MRPS10: variants seen among roughly 807,000 people sequenced by gnomAD.
MRPS10 encodes small ribosomal subunit protein uS10m.
MRPS10 carries 23 observed loss-of-function variants against 27.5 expected under a neutral mutation model. That is an observed-to-expected ratio of 0.84 (90% CI 0.60 to 1.18). The LOEUF (loss-of-function observed/expected upper bound fraction) is 1.18, where lower values mean the gene tolerates loss of function less well. Among genes scored for constraint, MRPS10 ranks in the 50% most tolerant of loss-of-function variants. MRPS10 has a pLI of 0.00. For missense variants in MRPS10, 237 were observed against 240.1 expected, an observed-to-expected ratio of 0.99 and a Z score of 0.09; for synonymous variants, 88 against 84.2, an observed-to-expected ratio of 1.04 and a Z score of -0.25.
chr6:42,207,088 A>G lies in MRPS10; in HGVS notation c.*1201T>C, dbSNP rs2113856108. The G allele has an allele frequency of 6.6e-6, 1 of 152,194 alleles. No individual in the cohort carries two copies. The highest frequency in any genetic ancestry group is 1.9e-4 in the East Asian group (1 of 5,206). The allele number at this position is 152,194 out of a possible 1,614,324, so 9.4% of individuals were successfully genotyped here. On this transcript the variant is annotated 3_prime_UTR_variant, in exon 7 of 7. Transcript: ENST00000053468. The stretch of plus-strand genomic sequence containing the variant: ...AGCCCATTGTAGTCTTGCCTCTTTC[A>G]GGGCTTTAGCCACTATTTCATTTCA...
chr6:42,212,049 G>T, intron 3 of MRPS10, 132 bp from the exon 4 acceptor site: 1 of 762,456 alleles, frequency 1.3e-6, no homozygotes, highest in Non-Finnish European at 2.1e-6. Flanking sequence ...AGTGACGGCA[G>T]TGTTAGCTGA....
chr6:42,216,907 C>T (rs984168170), intron 1 of MRPS10, among the ~76,000 whole-genome samples: 7 of 152,178 alleles, frequency 4.6e-5, no homozygotes, highest in Admixed American at 4.6e-4. Flanking sequence ...GAAATCAAAA[C>T]TATTTTCATA....
rs150834133 is a variant in MRPS10 at position 42,208,031 on chromosome 6, T to G, written c.*258A>C. ...CCAGTAGCGTAACAAAATAGAATTT[T>G]CACTCTTTCTGCTTTCAGTCAAAGT... On this transcript the variant is annotated 3_prime_UTR_variant, in exon 7 of 7. Transcript: ENST00000053468. 556 of 453,452 alleles carry G rather than the reference T, an allele frequency of 1.2e-3. No homozygotes were observed. Among genetic ancestry groups the G allele is most frequent in the Non-Finnish European group, 1.9e-3 (485 of 258,344 alleles). 28.1% of individuals were successfully genotyped at this position (453,452 alleles called of 1,614,324 possible).
Position 42,209,501 on chromosome 6 carries a change from A to T in MRPS10, c.433-554T>A, listed in dbSNP as rs148458720. On this transcript the variant is annotated intron_variant, in intron 5 of 6. Coordinates refer to ENST00000053468, the MANE Select transcript of MRPS10 (RefSeq NM_018141.4). Reference sequence around the variant, plus strand: ...AGTGGCTCACACCTGTAATCCCAGCACTTTGGGAGGCCGAGGTGGGTGGAG... The same window carrying T: ...AGTGGCTCACACCTGTAATCCCAGCTCTTTGGGAGGCCGAGGTGGGTGGAG... Among the ~76,000 whole-genome samples the T allele has an allele frequency of 5.1e-3, 770 of 152,140 alleles. 9 individuals carry two copies. Among genetic ancestry groups the T allele is most frequent in the African/African-American group, 0.017 (716 of 41,524 alleles).
intron 3 of MRPS10, 52 bp from the exon 4 acceptor site, chr6:42,211,969 A>C (rs776078216): frequency 6.5e-7 from 1 of 1,547,872 alleles, no homozygotes; most frequent in Non-Finnish European, 8.8e-7. Flanking sequence ...ATTTCTAACT[A>C]GCAAATTTAA....
rs771389045 is a variant in MRPS10 at position 42,215,359 on chromosome 6, C to CAA, written c.49-1017_49-1016dup. Among the ~76,000 whole-genome samples the CAA allele has an allele frequency of 1.9e-3, 142 of 73,260 alleles. 3 individuals are homozygous for CAA. The highest frequency in any genetic ancestry group is 2.4e-3 in the Non-Finnish European group (99 of 41,000). The allele number at this position is 73,260 out of a possible 152,430, so 48.1% of individuals were successfully genotyped here. ...TGGGTGACAGAGCGAGACTCCCTCTCAAAAAAAAAAAAAGAAGTTTAGCAT... is the reference window on the plus strand; with the variant it reads ...TGGGTGACAGAGCGAGACTCCCTCTCAAAAAAAAAAAAAAAGAAGTTTAGCAT... On this transcript the variant is annotated intron_variant, in intron 1 of 6. Transcript: ENST00000053468.
intron 4 of MRPS10, 66 bp downstream of exon 4, chr6:42,211,715 G>A (rs923925417): frequency 3.9e-5 from 54 of 1,394,726 alleles, no homozygotes; most frequent in Non-Finnish European, 5.0e-5. Context: ...CCTGGGATGA[G>A]CACTATTTTC....
chr6:42,216,385 A>AGAGAGAGAGAGAGAGTGT, intron 1 of MRPS10, among the ~76,000 whole-genome samples: 1 of 58,700 alleles, frequency 1.7e-5, no homozygotes, highest in East Asian at 1.2e-3. Context: ...AGAGAGAGAG[A>AGAGAGAGAGAGAGAGTGT]GTGTGTGTGT....
In MRPS10 at chr6:42,208,882, T is replaced by C. The variant is rs9471806; in HGVS notation, c.498A>G (p.Glu166=). The part of the protein sequence containing the change: ...YLEYIQRNLP[E]GVAMEVTKTQ... ...CCTTTGTTACTTCCATGGCAACCCC[T>C]TCAGGTAAGTTTCGCTGAATATATT... Residue 166 remains glutamate (E), a synonymous_variant, in exon 6 of 7, where the codon GAA becomes GAG. Transcript: ENST00000053468. 9.1e-3 allele frequency: 14,648 copies of C among 1,611,166 alleles called. 1,147 individuals carry two copies. In the African/African-American group the frequency reaches 0.17, roughly 19 times the overall value.
intron 3 of MRPS10, among the ~76,000 whole-genome samples, chr6:42,213,685 C>G (rs527402433): frequency 1.3e-5 from 2 of 152,294 alleles, no homozygotes; most frequent in African/African-American, 4.8e-5. Flanking sequence ...TACCAAGTTC[C>G]TTCTAGATGT....
rs548348475 is a variant in MRPS10 at position 42,217,833 on chromosome 6, G to A, written c.17C>T (p.Ala6Val). Residue 6 changes from alanine to valine, a missense_variant, in exon 1 of 7, where the codon GCG (alanine) becomes GTG (valine). Transcript: ENST00000053468. ...GAGGCGCCGGCACACAGCACCGAAC[G>A]CTGTCCGCGCCGCCATCTTGCCGGT... MAART[A>V]FGAVCRRLWQ... is the part of the protein sequence containing the mutation. 8.7e-6 allele frequency: 14 copies of A among 1,614,118 alleles called. No individual in the cohort carries two copies. Among genetic ancestry groups the A allele is most frequent in the South Asian group, 5.5e-5 (5 of 91,080 alleles).
intron 1 of MRPS10, among the ~76,000 whole-genome samples, chr6:42,216,324 G>A (rs999656092): frequency 6.9e-6 from 1 of 145,484 alleles, no homozygotes; most frequent in Non-Finnish European, 1.5e-5. Flanking sequence ...GCCCGGCCAA[G>A]AAGTTTTTAA....
In MRPS10 at chr6:42,211,855, G is replaced by A. The variant is rs563312170; in HGVS notation, c.249C>T (p.His83=). The A allele has an allele frequency of 2.0e-5, 32 of 1,613,792 alleles. No individual in the cohort carries two copies. In the South Asian group the frequency reaches 2.7e-4, roughly 14 times the overall value. Residue 83 remains histidine, a synonymous_variant, in exon 4 of 7, where the codon CAC becomes CAT. Coordinates refer to ENST00000053468, the MANE Select transcript of MRPS10 (RefSeq NM_018141.4). The part of the protein sequence containing the change: ...YKRLSVLVKG[H]DKAVLDSYEY... ...CATAACTGTCCAATACAGCCTTATCGTGACCTTTCACCAAAACCGAGAGGC... is the reference window on the plus strand; with the variant it reads ...CATAACTGTCCAATACAGCCTTATCATGACCTTTCACCAAAACCGAGAGGC...
rs749211664 is a variant in MRPS10 at position 42,214,135 on chromosome 6, A to G, written c.171T>C (p.Asp57=). The change falls in exon 3 of 7, where the codon GAT becomes GAC. Residue 57 remains aspartate, a synonymous_variant. Coordinates refer to ENST00000053468, the MANE Select transcript of MRPS10 (RefSeq NM_018141.4). ...FSNLHVDVPK[D]LTKPVVTISD... Reference sequence around the variant, plus strand: ...GAGTACATACCACAGGTTTGGTCAAATCCTTTGGAACATCAACGTGTAGGT... The same window carrying G: ...GAGTACATACCACAGGTTTGGTCAAGTCCTTTGGAACATCAACGTGTAGGT... 1 of 1,612,466 alleles carries G rather than the reference A, an allele frequency of 6.2e-7. No homozygotes were observed. Among genetic ancestry groups the G allele is most frequent in the South Asian group, 1.1e-5 (1 of 90,882 alleles).
chr6:42,210,944 C>T (rs893756825), intron 4 of MRPS10, among the ~76,000 whole-genome samples: 3 of 152,204 alleles, frequency 2.0e-5, no homozygotes, highest in South Asian at 2.1e-4. Context: ...AGTTGTAACA[C>T]CTGCTGTATG....
At chr6:42,217,262 C>G (rs1299520909) in intron 1 of MRPS10, among the ~76,000 whole-genome samples, 2 of 152,176 alleles carry the variant, frequency 1.3e-5, no homozygotes, top group Non-Finnish European at 2.9e-5. Flanking sequence ...GAGTCCTGAA[C>G]TCCGAAAGTG....
intron 3 of MRPS10, among the ~76,000 whole-genome samples, chr6:42,213,085 T>C (rs1768828304): frequency 6.6e-6 from 1 of 152,192 alleles, no homozygotes; most frequent in Admixed American, 6.5e-5. Context: ...TCTGCCACCT[T>C]TTCTTATAGG....
At chr6:42,211,673 C>CACTGTCTCAA in intron 4 of MRPS10, 108 bp downstream of exon 4, 1 of 674,878 alleles carries the variant, frequency 1.5e-6, no homozygotes, top group South Asian at 2.6e-5. Flanking sequence ...GACTCTGTCT[C>CACTGTCTCAA]AAAAAAAAAA....
In MRPS10 at chr6:42,215,304, C is replaced by T. The variant is rs146699319; in HGVS notation, c.49-960G>A. On this transcript the variant is annotated intron_variant, in intron 1 of 6. Coordinates refer to ENST00000053468, the MANE Select transcript of MRPS10 (RefSeq NM_018141.4). ...ACTTGGGAGGCTGAGGCAGGAGAATCGCTTGAACCCGGGAGGCGGAGGTCC... is the reference window on the plus strand; with the variant it reads ...ACTTGGGAGGCTGAGGCAGGAGAATTGCTTGAACCCGGGAGGCGGAGGTCC... 9.4e-3 allele frequency among the ~76,000 whole-genome samples: 1,170 copies of T among 124,464 alleles called. 15 individuals carry two copies. The highest frequency in any genetic ancestry group is 0.034 in the African/African-American group (1,110 of 32,228). 81.7% of individuals were successfully genotyped at this position (124,464 alleles called of 152,430 possible). A position where few individuals can be genotyped will look rare whatever the true frequency, so the allele number is the denominator to read the frequency against.
Sources: allele counts gnomAD v4.1 joint callset (sites outside exome capture counted in the v4.1 genomes callset), GRCh38; gene constraint gnomAD v4.1.1; transcripts MANE v1.5; gene names NCBI Gene and HGNC (gene_info 2026-07-23, HGNC 2026-07-21).